Variants in SUCLG2 observed in about 807,000 individuals in gnomAD.
The protein encoded by SUCLG2 is succinate--CoA ligase [GDP-forming] subunit beta, mitochondrial.
In SUCLG2, 42 loss-of-function variants were observed where a neutral mutation model predicts 47.9. The ratio of observed to expected loss-of-function variants is 0.88; its 90% CI spans 0.69 to 1.14. The LOEUF is 1.14. SUCLG2 is among the 50% of genes most tolerant of loss of function. SUCLG2 has a pLI of 0.00. For missense variants in SUCLG2, 571 were observed against 525.9 expected, an observed-to-expected ratio of 1.09 and a Z score of -0.84; for synonymous variants, 195 against 197.3, an observed-to-expected ratio of 0.99 and a Z score of 0.10.
chr3:67,545,896 A>C (rs1319876232), intron 2 of SUCLG2, among the ~76,000 whole-genome samples: 2 of 151,764 alleles, frequency 1.3e-5, no homozygotes, highest in African/African-American at 4.8e-5. Context: ...CCTCCATTAC[A>C]CTCTCCCACA....
intron 1 of SUCLG2, among the ~76,000 whole-genome samples, chr3:67,611,699 A>G (rs1295187877): frequency 2.0e-5 from 3 of 152,218 alleles, no homozygotes; most frequent in Non-Finnish European, 2.9e-5. Flanking sequence ...GGGAGACTAA[A>G]AACAGCCACA....
intron 10 of SUCLG2, 48 bp from the exon 11 acceptor site, chr3:67,375,907 C>G (rs760993091): frequency 6.3e-7 from 1 of 1,589,492 alleles, no homozygotes; most frequent in South Asian, 1.1e-5. Flanking sequence ...AGAGGTGGCG[C>G]CTTATGAAGT....
chr3:67,605,564 T>C (rs1700395227), intron 2 of SUCLG2, among the ~76,000 whole-genome samples: 1 of 152,126 alleles, frequency 6.6e-6, no homozygotes, highest in African/African-American at 2.4e-5. Context: ...GCTTGAATTT[T>C]CCAAATTCCT....
intron 2 of SUCLG2, among the ~76,000 whole-genome samples, chr3:67,531,473 A>G (rs968849524): frequency 2.6e-5 from 4 of 152,136 alleles, no homozygotes; most frequent in Non-Finnish European, 5.9e-5. Flanking sequence ...GTCACTAACC[A>G]TCAAGACACA....
chr3:67,423,693 A>AACTTACTTCT (rs2106865875), intron 9 of SUCLG2, among the ~76,000 whole-genome samples: 1 of 152,310 alleles, frequency 6.6e-6, no homozygotes, highest in South Asian at 2.1e-4. Context: ...ATCAGAGCAG[A>AACTTACTTCT]ACTTACTTCT....
At position 67,393,068 on chromosome 3, in the gene SUCLG2, G is replaced by A. The variant is rs184017359; in HGVS notation, c.1183+7663C>T. Among the ~76,000 whole-genome samples, 185 of 152,244 alleles carry A rather than the reference G, an allele frequency of 1.2e-3. 3 individuals carry two copies. In the Middle Eastern group the frequency reaches 0.017, roughly 14 times the overall value. On this transcript the variant is annotated intron_variant, in intron 10 of 10. Transcript: ENST00000307227. Reference sequence around the variant, plus strand: ...AAGATGGCCGAAATGGAACAGCTCCGGTCTACAGCTCCCAGCGTGAGCGAC... The same window carrying A: ...AAGATGGCCGAAATGGAACAGCTCCAGTCTACAGCTCCCAGCGTGAGCGAC...
At position 67,375,676 on chromosome 3, in the gene SUCLG2, C is replaced by A; in HGVS notation, c.*68G>T. The A allele has an allele frequency of 6.6e-7, 1 of 1,509,104 alleles. No homozygotes were observed. The highest frequency in any genetic ancestry group is 1.3e-5 in the South Asian group (1 of 75,808). 93.5% of individuals were successfully genotyped at this position (1,509,104 alleles called of 1,614,324 possible). On this transcript the variant is annotated 3_prime_UTR_variant, in exon 11 of 11. Coordinates refer to ENST00000307227, the MANE Select transcript of SUCLG2 (RefSeq NM_003848.4). The stretch of plus-strand genomic sequence containing the variant: ...TCCCCAATGAGATAACCATTTCTTT[C>A]ACAATGATGAACCATCCCTTTTTAC...
At chr3:67,544,443 C>T (rs911765431) in intron 2 of SUCLG2, among the ~76,000 whole-genome samples, 1 of 152,210 alleles carries the variant, frequency 6.6e-6, no homozygotes, top group African/African-American at 2.4e-5. Context: ...CCACTTCACT[C>T]TCTTTCTCTC....
intron 9 of SUCLG2, among the ~76,000 whole-genome samples, chr3:67,452,191 C>T (rs745475742): frequency 3.3e-5 from 5 of 152,160 alleles, no homozygotes; most frequent in Non-Finnish European, 4.4e-5. Context: ...TCCAGAACTC[C>T]CATAATTCTT....
chr3:67,642,141 T>C (rs74682374), intron 1 of SUCLG2, among the ~76,000 whole-genome samples: 1 of 152,160 alleles, frequency 6.6e-6, no homozygotes, highest in Non-Finnish European at 1.5e-5. Context: ...TCTGAGATAC[T>C]GAAGGTTAGA....
chr3:67,587,823 T>G (rs1296413154), intron 2 of SUCLG2, among the ~76,000 whole-genome samples: 2 of 152,090 alleles, frequency 1.3e-5, no homozygotes, highest in African/African-American at 2.4e-5. Flanking sequence ...TCAAAACACA[T>G]AAGGAAAAAG....
In SUCLG2 at chr3:67,566,534, G is replaced by C. The variant is rs115176772; in HGVS notation, c.227-37348C>G. ...AAGGAGTTTCAACTTTTTCAACTAT[G>C]ATCATGTATTATTTATAAAAATTCT... On this transcript the variant is annotated intron_variant, in intron 2 of 10. Coordinates refer to ENST00000307227, the MANE Select transcript of SUCLG2 (RefSeq NM_003848.4). 2.8e-3 allele frequency among the ~76,000 whole-genome samples: 420 copies of C among 152,138 alleles called. 2 individuals are homozygous for C. The highest frequency in any genetic ancestry group is 6.8e-3 in the Middle Eastern group (2 of 294).
chr3:67,469,183 G>T (rs1351537003), intron 9 of SUCLG2, among the ~76,000 whole-genome samples: 1 of 152,178 alleles, frequency 6.6e-6, no homozygotes, highest in African/African-American at 2.4e-5. Context: ...TTGGGCATGG[G>T]CTAGCTCATA....
At position 67,568,996 on chromosome 3, in the gene SUCLG2, T is replaced by G. The variant is rs779902076; in HGVS notation, c.227-39810A>C. On this transcript the variant is annotated intron_variant, in intron 2 of 10. Transcript: ENST00000307227. ...TCAATTCCTAAGTCAGAGTTAAGATTGTTATAGTTGAAACTGTATTAGAAA... is the reference window on the plus strand; with the variant it reads ...TCAATTCCTAAGTCAGAGTTAAGATGGTTATAGTTGAAACTGTATTAGAAA... 2.0e-5 allele frequency among the ~76,000 whole-genome samples: 3 copies of G among 152,228 alleles called. No individual in the cohort carries two copies. In the East Asian group the frequency reaches 5.8e-4, roughly 29 times the overall value.
At chr3:67,563,441 A>C (rs2634744) in intron 2 of SUCLG2, among the ~76,000 whole-genome samples, 39,840 of 152,096 alleles carry the variant, frequency 0.26, 8,215 homozygotes, top group African/African-American at 0.54. Context: ...AAAATGAGAC[A>C]GTGAGGATGT....
intron 9 of SUCLG2, among the ~76,000 whole-genome samples, chr3:67,475,358 A>G (rs1167728480): frequency 6.6e-6 from 1 of 152,212 alleles, no homozygotes; most frequent in African/African-American, 2.4e-5. Flanking sequence ...GGAAACTTTG[A>G]GTTTCTACTC....
intron 5 of SUCLG2, 51 bp downstream of exon 5, chr3:67,520,431 C>T (rs1559556146): frequency 6.2e-7 from 1 of 1,612,234 alleles, no homozygotes; most frequent in Non-Finnish European, 8.5e-7. Flanking sequence ...TATTTAACAG[C>T]TTCTACAATA....
At chr3:67,458,663 C>T (rs1192468839) in intron 9 of SUCLG2, among the ~76,000 whole-genome samples, 4 of 152,034 alleles carry the variant, frequency 2.6e-5, no homozygotes, top group Admixed American at 1.3e-4. Context: ...TAGCAAAGGT[C>T]GGAGGGGAAA....
At chr3:67,542,869 T>C (rs1283123792) in intron 2 of SUCLG2, among the ~76,000 whole-genome samples, 1 of 152,108 alleles carries the variant, frequency 6.6e-6, no homozygotes, top group Admixed American at 6.5e-5. Flanking sequence ...CACACAATAA[T>C]AGTGGGAGAC....
Sources: gnomAD v4.1 joint callset for allele counts (sites outside exome capture counted in the v4.1 genomes callset) on GRCh38, gnomAD v4.1.1 for gene constraint, MANE v1.5 for transcripts, NCBI Gene and HGNC (gene_info 2026-07-23, HGNC 2026-07-21) for gene names.